Variants in HPSE2 observed in about 807,000 individuals in gnomAD.
HPSE2 encodes the protein inactive heparanase-2.
In HPSE2, 38 loss-of-function variants were observed where a neutral mutation model predicts 60.5. The observed-to-expected ratio is 0.63, with a 90% CI of 0.48 to 0.82. HPSE2 has a LOEUF of 0.82. Among genes scored for constraint, HPSE2 ranks in the 40% least tolerant of loss-of-function variants. HPSE2 has a pLI of 0.00. For synonymous variants in HPSE2, 295 were observed against 293.2 expected (o/e 1.01, Z -0.06); for missense variants, 713 against 740.4 (o/e 0.96, Z 0.43).
At chr10:99,154,989 A>T (rs1270830163) in intron 2 of HPSE2, among the ~76,000 whole-genome samples, 1 of 151,078 alleles carries the variant, frequency 6.6e-6, no homozygotes, top group East Asian at 2.0e-4. Flanking sequence ...ACCAACAAAG[A>T]TCAAAAGAGA....
At chr10:98,484,241 TCTTC>T (rs1365144123) in intron 10 of HPSE2, among the ~76,000 whole-genome samples, 2 of 151,710 alleles carry the variant, frequency 1.3e-5, no homozygotes, top group Non-Finnish European at 2.9e-5. Flanking sequence ...TTCTTTCCTT[TCTTC>T]CTTCCTTCCT....
chr10:98,734,812 T>C (rs1372448139), intron 4 of HPSE2, among the ~76,000 whole-genome samples: 1 of 151,896 alleles, frequency 6.6e-6, no homozygotes, highest in Non-Finnish European at 1.5e-5. Context: ...TAAACTTTAT[T>C]TTTATTTTTA....
chr10:99,009,808 T>G (rs772001548), intron 3 of HPSE2, among the ~76,000 whole-genome samples: 21 of 152,190 alleles, frequency 1.4e-4, no homozygotes, highest in Non-Finnish European at 2.6e-4. Context: ...GTCATTTGCT[T>G]TTGCAAAACA....
At chr10:98,914,129 A>G (rs1954053436) in intron 3 of HPSE2, among the ~76,000 whole-genome samples, 1 of 152,142 alleles carries the variant, frequency 6.6e-6, no homozygotes, top group African/African-American at 2.4e-5. Flanking sequence ...GTGGGAGGTG[A>G]ATGAATTATG....
chr10:98,865,816 CAG>C (rs1952574081), intron 3 of HPSE2, among the ~76,000 whole-genome samples: 1 of 152,084 alleles, frequency 6.6e-6, no homozygotes, highest in South Asian at 2.1e-4. Context: ...ACGGAGTACT[CAG>C]AGAGGTCTTG....
intron 3 of HPSE2, among the ~76,000 whole-genome samples, chr10:98,807,137 C>T (rs530183080): frequency 4.8e-4 from 73 of 152,144 alleles, no homozygotes; most frequent in Admixed American, 9.2e-4. Context: ...AGCGAGACTC[C>T]GTCTCAAAAA....
chr10:98,858,201 C>A (rs1952364631), intron 3 of HPSE2, among the ~76,000 whole-genome samples: 1 of 152,144 alleles, frequency 6.6e-6, no homozygotes. Context: ...ATTCACATCC[C>A]AATCTTTGAA....
chr10:99,184,819 TAGAG>T (rs1177556672), intron 2 of HPSE2, among the ~76,000 whole-genome samples: 2,140 of 19,732 alleles, frequency 0.11, 504 homozygotes, highest in Non-Finnish European at 0.15. Context: ...TATATATATA[TAGAG>T]AGAGAGAGAG....
chr10:98,572,611 G>C (rs146236042), intron 9 of HPSE2, among the ~76,000 whole-genome samples: 1 of 152,190 alleles, frequency 6.6e-6, no homozygotes, highest in Admixed American at 6.5e-5. Context: ...CTGCTTTCTC[G>C]AGAGTGAACT....
At chr10:98,832,024 C>T (rs773081931) in intron 3 of HPSE2, among the ~76,000 whole-genome samples, 1 of 152,112 alleles carries the variant, frequency 6.6e-6, no homozygotes, top group Non-Finnish European at 1.5e-5. Flanking sequence ...TGTTTCTCCC[C>T]CATCAATAAA....
At chr10:98,513,041 T>A (rs1459294987) in intron 9 of HPSE2, among the ~76,000 whole-genome samples, 1 of 152,244 alleles carries the variant, frequency 6.6e-6, no homozygotes, top group Admixed American at 6.5e-5. Flanking sequence ...CCAGTTCATA[T>A]GTGTCTTTCC....
rs116474937 is a variant in HPSE2 at position 98,854,956 on chromosome 10, C to T, written c.611-110900G>A. Among the ~76,000 whole-genome samples, 553 of 152,152 alleles carry T rather than the reference C, an allele frequency of 3.6e-3. 2 individuals carry two copies. Among genetic ancestry groups the T allele is most frequent in the African/African-American group, 0.013 (528 of 41,518 alleles). ...GGAGTTTTGACCTTTACTTAGGATA[C>T]GGGAAGCTATAAAGAACTTCACTGT... On this transcript the variant is annotated intron_variant, in intron 3 of 11. Transcript: ENST00000370552.
At chr10:98,950,999 G>A (rs898066130) in intron 3 of HPSE2, among the ~76,000 whole-genome samples, 52 of 152,138 alleles carry the variant, frequency 3.4e-4, no homozygotes, top group African/African-American at 1.2e-3. Context: ...GAAAGTTCAC[G>A]AGATGACAAT....
At chr10:99,083,950 G>T (rs1051504055) in intron 3 of HPSE2, among the ~76,000 whole-genome samples, 3 of 145,306 alleles carry the variant, frequency 2.1e-5, no homozygotes, top group African/African-American at 7.5e-5. Flanking sequence ...AAAACCATAT[G>T]GGAATGTGTG....
chr10:99,289,597 T>G, the HPSE2 span, among the ~76,000 whole-genome samples: 1 of 152,180 alleles, frequency 6.6e-6, no homozygotes, highest in African/African-American at 2.4e-5. Context: ...AAAAATATTA[T>G]TTCATATAAA....
chr10:98,500,889 C>G (rs1942007747), intron 9 of HPSE2, among the ~76,000 whole-genome samples: 1 of 151,928 alleles, frequency 6.6e-6, no homozygotes, highest in Non-Finnish European at 1.5e-5. Flanking sequence ...CACTGAAATA[C>G]AAGAGATCAC....
rs1179480246 is a variant in HPSE2, at chr10:99,235,722, G to A, written c.81C>T (p.Leu27=). The A allele has an allele frequency of 1.2e-6, 2 of 1,613,952 alleles. No homozygotes were observed. Among genetic ancestry groups the A allele is most frequent in the Admixed American group, 1.7e-5 (1 of 59,996 alleles). The stretch of plus-strand genomic sequence containing the variant: ...AGAGATGGAGCAACAGAGCCAAGTA[G>A]AGAGCCCCCGGGGCTAGGCACGCGG... ...RPPACLAPGA[L]YLALLLHLSL... The change falls in exon 1 of 12, where the codon CTC becomes CTT. Residue 27 remains leucine, a synonymous_variant. Transcript: ENST00000370552.
chr10:98,748,596 G>C (rs1949681948), intron 3 of HPSE2, among the ~76,000 whole-genome samples: 1 of 152,158 alleles, frequency 6.6e-6, no homozygotes, highest in Admixed American at 6.6e-5. Context: ...GCTGGGACTT[G>C]AGAAAGATGT....
At chr10:99,184,719 A>C (rs1057219468) in intron 2 of HPSE2, among the ~76,000 whole-genome samples, 2 of 144,096 alleles carry the variant, frequency 1.4e-5, no homozygotes, top group Non-Finnish European at 3.0e-5. Flanking sequence ...TTGGATTAAC[A>C]GTAACTTAAA....
Sources: allele counts gnomAD v4.1 joint callset (sites outside exome capture counted in the v4.1 genomes callset), GRCh38; gene constraint gnomAD v4.1.1; transcripts MANE v1.5; gene names NCBI Gene and HGNC (gene_info 2026-07-23, HGNC 2026-07-21).